The following VLDLR variants were observed in gnomAD, a reference collection of about 807,000 sequenced individuals.
The protein encoded by VLDLR is very low density lipoprotein receptor.
VLDLR carries 81 observed loss-of-function variants against 112.7 expected under a neutral mutation model. The observed-to-expected ratio is 0.72, with a 90% CI of 0.60 to 0.86. The LOEUF is 0.86. VLDLR is among the 40% of genes least tolerant of loss of function. The pLI is 0.00. For missense variants in VLDLR, 1,237 were observed against 1,099.4 expected (o/e 1.13, Z -1.77); for synonymous variants, 436 against 384.8 (o/e 1.13, Z -1.56).
At chr9:2,647,919 T>C (rs1818145935) in intron 12 of VLDLR, among the ~76,000 whole-genome samples, 4 of 152,250 alleles carry the variant, frequency 2.6e-5, no homozygotes, top group South Asian at 4.1e-4. Context: ...AGTTTTCTTC[T>C]GGCTTTTTGG....
chr9:2,645,781 AGTCATT>A, intron 10 of VLDLR, 36 bp downstream of exon 10: 1 of 1,613,098 alleles, frequency 6.2e-7, no homozygotes, highest in Non-Finnish European at 8.5e-7. Context: ...TCTTGACATA[AGTCATT>A]GTCACTTGGG....
Position 2,645,746 on chromosome 9 carries a change from G to C in VLDLR, c.1484+1G>C. On this transcript the variant is annotated splice_donor_variant, in intron 10 of 18. Transcript: ENST00000382100. LOFTEE classifies it high-confidence loss of function. ...ATCTAAGCCAAAAGGCTATCTTCAG[G>C]TAACTTTCAGTTCCTTTTGTGGTGT... The C allele has an allele frequency of 6.2e-7, 1 of 1,614,102 alleles. No homozygotes were observed. The highest frequency in any genetic ancestry group is 8.5e-7 in the Non-Finnish European group (1 of 1,180,024).
rs1818585283 is a variant in VLDLR at position 2,655,945 on chromosome 9, A to G, written c.*2077A>G. The G allele has an allele frequency of 6.7e-6, 1 of 148,858 alleles. No individual in the cohort carries two copies. The highest frequency in any genetic ancestry group is 1.5e-5 in the Non-Finnish European group (1 of 67,988). 9.2% of individuals were successfully genotyped at this position (148,858 alleles called of 1,614,324 possible). A position where few individuals can be genotyped will look rare whatever the true frequency, so the allele number is the denominator to read the frequency against. The stretch of plus-strand genomic sequence containing the variant: ...CTCTGACCCTGCTGTGGTACAAAAA[A>G]CATGGATTTTTTTTTTTTTAACTGG... On this transcript the variant is annotated 3_prime_UTR_variant, in exon 19 of 19. Transcript: ENST00000382100.
chr9:2,648,892 T>C (rs1186617062), intron 14 of VLDLR, 82 bp downstream of exon 14: 2 of 1,578,794 alleles, frequency 1.3e-6, no homozygotes, highest in East Asian at 4.5e-5. Flanking sequence ...CAGTAGCTCT[T>C]GGCAACTCAG....
At chr9:2,637,950 TAAATAA>T (rs1817669811) in intron 2 of VLDLR, among the ~76,000 whole-genome samples, 1 of 144,686 alleles carries the variant, frequency 6.9e-6, no homozygotes, top group South Asian at 2.1e-4. Flanking sequence ...CTCAAAAAAA[TAAATAA>T]AAATAAATAA....
In VLDLR at chr9:2,643,619, C is replaced by T. The variant is rs780377891; in HGVS notation, c.821-9C>T. On this transcript the variant is annotated splice_polypyrimidine_tract_variant and intron_variant, in intron 5 of 18. Transcript: ENST00000382100. The stretch of plus-strand genomic sequence containing the variant: ...TGGCTTCATTCCATGGTGTTTCCTC[C>T]CTTTGTAGCCTCTCGAACTTGCCGA... The T allele has an allele frequency of 1.7e-5, 28 of 1,614,048 alleles. No individual in the cohort carries two copies. Among genetic ancestry groups the T allele is most frequent in the African/African-American group, 6.7e-5 (5 of 74,896 alleles).
chr9:2,633,104 G>A (rs138782743), intron 1 of VLDLR, among the ~76,000 whole-genome samples: 105 of 151,586 alleles, frequency 6.9e-4, no homozygotes, highest in African/African-American at 2.4e-3. Flanking sequence ...GAGAGAGGGA[G>A]TAAAACACAG....
intron 15 of VLDLR, 103 bp downstream of exon 15, chr9:2,650,619 A>C (rs1818284424): frequency 2.7e-6 from 4 of 1,498,314 alleles, no homozygotes; most frequent in Non-Finnish European, 3.6e-6. Flanking sequence ...AATTCTTTGA[A>C]TAGATTTGAG....
At position 2,622,242 on chromosome 9, in the gene VLDLR, C is replaced by T. The variant is rs938926169; in HGVS notation, c.53C>T (p.Ala18Val). 4.0e-6 allele frequency: 6 copies of T among 1,498,876 alleles called. No individual in the cohort carries two copies. Among genetic ancestry groups the T allele is most frequent in the South Asian group, 1.3e-5 (1 of 79,366 alleles). 92.8% of individuals were successfully genotyped at this position (1,498,876 alleles called of 1,614,324 possible). The change falls in exon 1 of 19, where the codon GCG becomes GTG. Residue 18 changes from alanine to valine, a missense_variant. Coordinates refer to ENST00000382100, the MANE Select transcript of VLDLR (RefSeq NM_003383.5). ...ALWLLLALCW[A>V]PRESGATGTG... The stretch of plus-strand genomic sequence containing the variant: ...TGGCTGCTGCTCGCGCTGTGCTGGG[C>T]GCCCCGGGAGAGCGGCGCCACCGGA...
intron 1 of VLDLR, among the ~76,000 whole-genome samples, chr9:2,635,165 G>A (rs903777598): frequency 2.0e-5 from 3 of 152,180 alleles, no homozygotes; most frequent in Non-Finnish European, 4.4e-5. Flanking sequence ...ATTTCCCAAA[G>A]TTGTATATAC....
In VLDLR at chr9:2,655,157, C is replaced by G. The variant is rs1234095066; in HGVS notation, c.*1289C>G. On this transcript the variant is annotated 3_prime_UTR_variant, in exon 19 of 19. Coordinates refer to ENST00000382100, the MANE Select transcript of VLDLR (RefSeq NM_003383.5). ...CTTAAAAACCACCGTTTTACTGTGA[C>G]TTCATGAAGAATATAATTGCAATAT... 1 of 152,194 alleles carries G rather than the reference C, an allele frequency of 6.6e-6. No homozygotes were observed. Among genetic ancestry groups the G allele is most frequent in the African/African-American group, 2.4e-5 (1 of 41,432 alleles). 9.4% of individuals were successfully genotyped at this position (152,194 alleles called of 1,614,324 possible). A position where few individuals can be genotyped will look rare whatever the true frequency, so the allele number is the denominator to read the frequency against.
chr9:2,645,690 G>C lies in VLDLR; in HGVS notation c.1429G>C (p.Asp477His). Residue 477 changes from aspartate (D) to histidine (H), a missense_variant, in exon 10 of 19, where the codon GAC becomes CAC. Coordinates refer to ENST00000382100, the MANE Select transcript of VLDLR (RefSeq NM_003383.5). ...AAGAAACACTGTGGCTCTCGATGCTGACATTGCTGCCCAGAAACTATTCTG... is the reference window on the plus strand; with the variant it reads ...AAGAAACACTGTGGCTCTCGATGCTCACATTGCTGCCCAGAAACTATTCTG... Reference protein sequence around the residue: ...QLRNTVALDADIAAQKLFWAD... With the variant: ...QLRNTVALDAHIAAQKLFWAD... 1 of 1,614,200 alleles carries C rather than the reference G, an allele frequency of 6.2e-7. No homozygotes were observed. The highest frequency in any genetic ancestry group is 8.5e-7 in the Non-Finnish European group (1 of 1,180,034).
rs1818629674 is a variant in VLDLR, at chr9:2,656,901, C to G, written c.*3033C>G. On this transcript the variant is annotated 3_prime_UTR_variant, in exon 19 of 19. Transcript: ENST00000382100. ...AAACATTCTAGTAGGTGTTTTAAAG[C>G]CTAGGTATCGCTGCCTCTTTAGTTC... The G allele has an allele frequency of 7.5e-6, 1 of 134,094 alleles. No homozygotes were observed. Among genetic ancestry groups the G allele is most frequent in the Non-Finnish European group, 1.5e-5 (1 of 65,464 alleles). The allele number at this position is 134,094 out of a possible 1,614,324, so 8.3% of individuals were successfully genotyped here. A position where few individuals can be genotyped will look rare whatever the true frequency, so the allele number is the denominator to read the frequency against.
intron 2 of VLDLR, 56 bp from the exon 3 acceptor site, chr9:2,639,803 A>G: frequency 6.2e-7 from 1 of 1,613,540 alleles, no homozygotes; most frequent in Non-Finnish European, 8.5e-7. Context: ...CCTCATGTGA[A>G]GCTAGGGCTG....
chr9:2,643,624 G>A lies in VLDLR; in HGVS notation c.821-4G>A. Reference sequence around the variant, plus strand: ...TCATTCCATGGTGTTTCCTCCCTTTGTAGCCTCTCGAACTTGCCGACCTGA... The same window carrying A: ...TCATTCCATGGTGTTTCCTCCCTTTATAGCCTCTCGAACTTGCCGACCTGA... On this transcript the variant is annotated splice_region_variant and splice_polypyrimidine_tract_variant and intron_variant, in intron 5 of 18. Transcript: ENST00000382100. 1 of 1,614,106 alleles carries A rather than the reference G, an allele frequency of 6.2e-7. No homozygotes were observed. Among genetic ancestry groups the A allele is most frequent in the South Asian group, 1.1e-5 (1 of 91,084 alleles).
chr9:2,639,682 C>T (rs1817744015), intron 2 of VLDLR, among the ~76,000 whole-genome samples, 177 bp from the exon 3 acceptor site: 1 of 152,112 alleles, frequency 6.6e-6, no homozygotes. Context: ...GCATCTTCCT[C>T]CTCTGAAAAA....
chr9:2,627,735 C>T (rs1026118062), intron 1 of VLDLR, among the ~76,000 whole-genome samples: 2 of 151,710 alleles, frequency 1.3e-5, no homozygotes, highest in Admixed American at 6.6e-5. Flanking sequence ...TGTGGTGGTG[C>T]GAGCCTGTAA....
Position 2,622,106 on chromosome 9 carries a change from C to A in VLDLR, c.-84C>A. ...TTCCCCTCCCCGCCCCCACCTTCTT[C>A]CTCCTTTCGGAAGGACTGGTAACTT... On this transcript the variant is annotated 5_prime_UTR_variant, in exon 1 of 19. Coordinates refer to ENST00000382100, the MANE Select transcript of VLDLR (RefSeq NM_003383.5). The A allele has an allele frequency of 2.3e-6, 3 of 1,283,142 alleles. No individual in the cohort carries two copies. Among genetic ancestry groups the A allele is most frequent in the Non-Finnish European group, 3.1e-6 (3 of 964,734 alleles). 79.5% of individuals were successfully genotyped at this position (1,283,142 alleles called of 1,614,324 possible).
In VLDLR at chr9:2,648,312, T is replaced by C; in HGVS notation, c.1927T>C (p.Phe643Leu). Residue 643 changes from phenylalanine (F) to leucine (L), a missense_variant, in exon 13 of 19, where the codon TTC becomes CTC. Transcript: ENST00000382100. Reference sequence around the variant, plus strand: ...TAGGATAGTACTAAAGTCTCTGGAGTTCCTAGCTCATCCTCTTGCACTAAC... The same window carrying C: ...TAGGATAGTACTAAAGTCTCTGGAGCTCCTAGCTCATCCTCTTGCACTAAC... ...DRRIVLKSLE[F>L]LAHPLALTIF... 1.2e-6 allele frequency: 2 copies of C among 1,614,114 alleles called. No homozygotes were observed. Among genetic ancestry groups the C allele is most frequent in the Non-Finnish European group, 8.5e-7 (1 of 1,180,010 alleles).
Sources: gnomAD v4.1 joint callset for allele counts (sites outside exome capture counted in the v4.1 genomes callset) on GRCh38, gnomAD v4.1.1 for gene constraint, MANE v1.5 for transcripts, NCBI Gene and HGNC (gene_info 2026-07-23, HGNC 2026-07-21) for gene names.